PCSK5: variants seen among roughly 807,000 people sequenced by gnomAD.
PCSK5 encodes prohormone convertase 5.
PCSK5 carries 129 observed loss-of-function variants against 233.2 expected under a neutral mutation model. The ratio of observed to expected loss-of-function variants is 0.55; its 90% CI spans 0.48 to 0.64. The LOEUF (loss-of-function observed/expected upper bound fraction) is 0.64. Among genes scored for constraint, PCSK5 ranks in the 30% least tolerant of loss-of-function variants. PCSK5 has a pLI of 0.00. For missense variants in PCSK5, 2,076 were observed against 2,430.1 expected (o/e 0.85, Z 3.06); for synonymous variants, 825 against 879.2 (o/e 0.94, Z 1.09).
At chr9:76,337,367 A>C (rs1247847889) in intron 34 of PCSK5, among the ~76,000 whole-genome samples, 13 of 151,762 alleles carry the variant, frequency 8.6e-5, no homozygotes, top group Admixed American at 8.5e-4. Flanking sequence ...ATGAGGTTTC[A>C]CCATGTTGAT....
At chr9:76,070,126 G>A (rs972308447) in intron 6 of PCSK5, among the ~76,000 whole-genome samples, 21 of 151,184 alleles carry the variant, frequency 1.4e-4, no homozygotes, top group African/African-American at 3.7e-4. Flanking sequence ...TCAGCCTCCC[G>A]AGTAGCTGGG....
chr9:76,224,430 G>C (rs928434204), intron 20 of PCSK5, among the ~76,000 whole-genome samples: 1 of 151,998 alleles, frequency 6.6e-6, no homozygotes. Flanking sequence ...AAAAAAAAAA[G>C]CCAAGGGAAC....
At chr9:76,331,476 G>A (rs1829533128) in intron 33 of PCSK5, among the ~76,000 whole-genome samples, 1 of 152,062 alleles carries the variant, frequency 6.6e-6, no homozygotes. Context: ...GACCATCCTG[G>A]CTAAAACGGT....
intron 25 of PCSK5, among the ~76,000 whole-genome samples, chr9:76,292,971 A>G (rs549843301): frequency 6.6e-6 from 1 of 152,254 alleles, no homozygotes; most frequent in African/African-American, 2.4e-5. Flanking sequence ...AACTCTCACG[A>G]CTATTTCATC....
At chr9:76,126,003 T>C (rs1832835449) in intron 9 of PCSK5, among the ~76,000 whole-genome samples, 2 of 152,190 alleles carry the variant, frequency 1.3e-5, no homozygotes, top group Admixed American at 1.3e-4. Flanking sequence ...TTATCAGGGA[T>C]TCTGGAAAGA....
intron 1 of PCSK5, among the ~76,000 whole-genome samples, chr9:75,913,881 T>C (rs964122253): frequency 2.6e-5 from 4 of 152,172 alleles, no homozygotes; most frequent in South Asian, 4.2e-4. Flanking sequence ...TGCCAAATTA[T>C]GTATATAGAA....
chr9:76,341,123 G>A (rs1351066372), intron 35 of PCSK5, among the ~76,000 whole-genome samples: 3 of 152,014 alleles, frequency 2.0e-5, no homozygotes, highest in Non-Finnish European at 4.4e-5. Flanking sequence ...TACTCAGGAG[G>A]CTGAGGTGGG....
At chr9:76,345,667 C>T (rs572740877) in intron 35 of PCSK5, among the ~76,000 whole-genome samples, 1 of 152,072 alleles carries the variant, frequency 6.6e-6, no homozygotes, top group South Asian at 2.1e-4. Context: ...CGTGATACAC[C>T]CGCCTCAGCC....
intron 24 of PCSK5, among the ~76,000 whole-genome samples, chr9:76,258,513 T>C (rs1827055815): frequency 6.6e-6 from 1 of 152,220 alleles, no homozygotes. Context: ...ATACAGCCTG[T>C]ACATTTGAAA....
chr9:76,311,351 TAA>T (rs61133669), intron 30 of PCSK5, among the ~76,000 whole-genome samples: 13 of 143,184 alleles, frequency 9.1e-5, no homozygotes, highest in Non-Finnish European at 9.2e-5. Flanking sequence ...ACCCTGTCTT[TAA>T]AAAAAAAAAA....
At chr9:75,903,794 T>C (rs1161584960) in intron 1 of PCSK5, among the ~76,000 whole-genome samples, 2 of 151,478 alleles carry the variant, frequency 1.3e-5, no homozygotes, top group Non-Finnish European at 2.9e-5. Context: ...AAAATAAAGC[T>C]GGGTAGTCTG....
intron 5 of PCSK5, among the ~76,000 whole-genome samples, chr9:76,043,366 G>A (rs1163252353): frequency 6.9e-6 from 1 of 145,872 alleles, no homozygotes; most frequent in Non-Finnish European, 1.5e-5. Context: ...AAGTATTTTC[G>A]AGGTATTTAC....
intron 5 of PCSK5, among the ~76,000 whole-genome samples, chr9:76,037,067 G>T (rs1023503094): frequency 6.6e-6 from 1 of 152,198 alleles, no homozygotes; most frequent in Non-Finnish European, 1.5e-5. Flanking sequence ...TACAGTAAAT[G>T]ATTATATAAA....
intron 24 of PCSK5, among the ~76,000 whole-genome samples, chr9:76,291,898 G>A (rs182707933): frequency 6.9e-4 from 105 of 152,222 alleles, no homozygotes; most frequent in Non-Finnish European, 1.1e-3. Context: ...GTGTGGACTT[G>A]GTTGATCCCT....
rs1017976330 is a variant in PCSK5 at position 76,188,475 on chromosome 9, C to T, written c.2283-103C>T. The stretch of plus-strand genomic sequence containing the variant: ...TTTGAAGCTTTGCCAAATCCACTGG[C>T]CTCTGAGGGAAACTGTATCTGTTAC... On this transcript the variant is annotated intron_variant, in intron 17 of 37. Coordinates refer to ENST00000674117, the MANE Select transcript of PCSK5 (RefSeq NM_001372043.1). 6 of 716,602 alleles carry T rather than the reference C, an allele frequency of 8.4e-6. No homozygotes were observed. In the African/African-American group the frequency reaches 1.1e-4, roughly 13 times the overall value. 44.4% of individuals were successfully genotyped at this position (716,602 alleles called of 1,614,324 possible).
intron 3 of PCSK5, among the ~76,000 whole-genome samples, chr9:75,997,924 TC>T (rs1332921222): frequency 1.3e-5 from 2 of 152,236 alleles, no homozygotes; most frequent in East Asian, 3.8e-4. Flanking sequence ...TCTTTTAGTT[TC>T]CTGGTGAGTT....
At chr9:76,140,755 C>A (rs1401442910) in intron 10 of PCSK5, among the ~76,000 whole-genome samples, 1 of 152,086 alleles carries the variant, frequency 6.6e-6, no homozygotes, top group Non-Finnish European at 1.5e-5. Context: ...CCTACTAAAT[C>A]TTTAAAGCTG....
intron 1 of PCSK5, among the ~76,000 whole-genome samples, chr9:75,921,913 G>A (rs1425004221): frequency 1.3e-5 from 2 of 152,180 alleles, no homozygotes; most frequent in Admixed American, 1.3e-4. Flanking sequence ...TATCTGTAGT[G>A]TGCTGATATG....
intron 6 of PCSK5, among the ~76,000 whole-genome samples, chr9:76,068,868 T>C (rs1830381759): frequency 6.6e-6 from 1 of 152,206 alleles, no homozygotes; most frequent in South Asian, 2.1e-4. Flanking sequence ...TGGAACCAGA[T>C]TGACCTCCTT....
Sources: allele counts gnomAD v4.1 joint callset (sites outside exome capture counted in the v4.1 genomes callset), GRCh38; gene constraint gnomAD v4.1.1; transcripts MANE v1.5; gene names NCBI Gene and HGNC (gene_info 2026-07-23, HGNC 2026-07-21).